Variants in PKD1L3 observed in about 807,000 individuals in gnomAD.
PKD1L3 encodes polycystin-1-like protein 3.
A neutral mutation model predicts 184.1 loss-of-function variants in PKD1L3; 239 were observed. That is an observed-to-expected ratio of 1.30 (90% CI 1.17 to 1.45). The LOEUF (loss-of-function observed/expected upper bound fraction) is 1.45, where lower values mean the gene tolerates loss of function less well. Ranked by LOEUF, PKD1L3 falls within the 40% of genes most tolerant of loss-of-function variation. The pLI is 0.00. For missense variants in PKD1L3, 2,660 were observed against 2,067.2 expected (o/e 1.29, Z -5.56); for synonymous variants, 996 against 778.8 (o/e 1.28, Z -4.64).
intron 4 of PKD1L3, 57 bp downstream of exon 4, chr16:71,990,223 T>C: frequency 7.2e-7 from 1 of 1,383,778 alleles, no homozygotes; most frequent in Non-Finnish European, 1.0e-6. Flanking sequence ...CCAGATCTAC[T>C]AGGTATGACA....
At position 71,930,108 on chromosome 16, in the gene PKD1L3, T is replaced by C. The variant is rs1299679531; in HGVS notation, c.5002A>G (p.Asn1668Asp). Residue 1668 changes from asparagine to aspartate, a missense_variant, in exon 29 of 30, where the codon AAT becomes GAT. Transcript: ENST00000620267. ...SVILMVLVVI[N>D]LFVSAILMAF... is the part of the protein sequence containing the mutation. ...ATGAGAATGGCCGAAACGAAAAGAT[T>C]AATTACCACAAGTACCATCAAGATG... 14 of 1,551,588 alleles carry C rather than the reference T, an allele frequency of 9.0e-6. No homozygotes were observed. The East Asian group carries it at 3.4e-4, about 38-fold the overall frequency.
chr16:71,945,543 T>C (rs2038570187), intron 22 of PKD1L3, among the ~76,000 whole-genome samples: 1 of 151,478 alleles, frequency 6.6e-6, no homozygotes, highest in African/African-American at 2.4e-5. Context: ...CCAGGCGTGG[T>C]GGAGTGCACC....
rs2038087079 is a variant in PKD1L3, at chr16:71,934,032, G to C, written c.4707C>G (p.Asn1569Lys). The change falls in exon 27 of 30, where the codon AAC becomes AAG. Residue 1569 changes from asparagine to lysine, a missense_variant. Physicochemically the swap from Asn to Lys is moderately conservative, Grantham distance 94 (BLOSUM62 0). Transcript: ENST00000620267. ...GCAGCCTGGGGCTATGACGCAGCAG[G>C]TTCCATAACTGAACAGTTGCCAGGA... ...PVLLATVQLW[N>K]LLRHSPRLRV... is the part of the protein sequence containing the mutation. 11 of 1,551,832 alleles carry C rather than the reference G, an allele frequency of 7.1e-6. No homozygotes were observed. The highest frequency in any genetic ancestry group is 9.6e-6 in the Non-Finnish European group (11 of 1,147,034).
At chr16:71,967,637 G>C (rs1447281914) in intron 14 of PKD1L3, among the ~76,000 whole-genome samples, 2 of 152,072 alleles carry the variant, frequency 1.3e-5, no homozygotes, top group Non-Finnish European at 2.9e-5. Context: ...GCTAATTTCT[G>C]CATTTTTAGT....
chr16:71,960,500 A>G (rs1193311496), intron 16 of PKD1L3, among the ~76,000 whole-genome samples: 1 of 152,136 alleles, frequency 6.6e-6, no homozygotes, highest in African/African-American at 2.4e-5. Context: ...ATGGAATTTA[A>G]GATACAAAGT....
intron 13 of PKD1L3, among the ~76,000 whole-genome samples, chr16:71,968,243 C>T (rs746378349): frequency 6.6e-6 from 1 of 152,144 alleles, no homozygotes; most frequent in Non-Finnish European, 1.5e-5. Context: ...TAGAATCACC[C>T]GATCAGGTCT....
chr16:71,965,522 TC>T (rs34793109), intron 15 of PKD1L3, among the ~76,000 whole-genome samples: 30,409 of 151,092 alleles, frequency 0.2, 3,739 homozygotes, highest in South Asian at 0.41. Flanking sequence ...TTTCAGTTGC[TC>T]CCCATCCTCC....
intron 16 of PKD1L3, among the ~76,000 whole-genome samples, chr16:71,961,228 C>T (rs551589720): frequency 1.3e-5 from 2 of 152,004 alleles, no homozygotes; most frequent in Non-Finnish European, 2.9e-5. Flanking sequence ...CCGGGTTCAA[C>T]TTCCCTGCCT....
At chr16:71,984,295 A>C in intron 5 of PKD1L3, 128 bp from the exon 6 acceptor site, 1 of 849,748 alleles carries the variant, frequency 1.2e-6, no homozygotes. Context: ...CAGCTCTCTA[A>C]AACAGTGATT....
chr16:71,983,321 AT>A (rs899615433), intron 6 of PKD1L3, among the ~76,000 whole-genome samples: 1 of 151,998 alleles, frequency 6.6e-6, no homozygotes, highest in African/African-American at 2.4e-5. Context: ...TAAGTTTTGT[AT>A]TTTTGATAGA....
At chr16:71,947,672 G>T in intron 21 of PKD1L3, 81 bp from the exon 22 acceptor site, 1 of 931,502 alleles carries the variant, frequency 1.1e-6, no homozygotes, top group Non-Finnish European at 1.6e-6. Context: ...GAAGAGGTGG[G>T]CACTCATGAA....
At chr16:71,990,179 T>G (rs2040533347) in intron 4 of PKD1L3, 101 bp downstream of exon 4, 1 of 989,774 alleles carries the variant, frequency 1.0e-6, no homozygotes, top group Non-Finnish European at 1.4e-6. Flanking sequence ...ATTAGAAAAC[T>G]ATATTCAGAA....
At chr16:71,952,195 ATTTTTTTTTTTTTTT>A (rs34849069) in intron 18 of PKD1L3, among the ~76,000 whole-genome samples, 4 of 50,788 alleles carry the variant, frequency 7.9e-5, no homozygotes, top group Admixed American at 3.4e-4. Context: ...GGAGCATGTC[ATTTTTTTTTTTTTTT>A]TTTTTTTTTT....
At chr16:71,952,195 ATTTTTTTTTT>A (rs34849069) in intron 18 of PKD1L3, among the ~76,000 whole-genome samples, 9 of 50,790 alleles carry the variant, frequency 1.8e-4, no homozygotes, top group African/African-American at 2.7e-4. Flanking sequence ...GGAGCATGTC[ATTTTTTTTTT>A]TTTTTTTTTT....
chr16:71,973,074 TC>T (rs1363198420), intron 12 of PKD1L3, among the ~76,000 whole-genome samples: 1 of 152,246 alleles, frequency 6.6e-6, no homozygotes, highest in Non-Finnish European at 1.5e-5. Context: ...TCCACACTTG[TC>T]AGATCCACCC....
At position 71,950,183 on chromosome 16, in the gene PKD1L3, G is replaced by A. The variant is rs1324985859; in HGVS notation, c.3318C>T (p.Ser1106=). The part of the protein sequence containing the change: ...HQSCDFLDAA[S]QLQKLQELLE... The stretch of plus-strand genomic sequence containing the variant: ...AGAGTTCCTGGAGTTTTTGAAGTTG[G>A]CTGGCTGCATCTAGGAAGTCACAGG... Residue 1106 remains serine (S), a synonymous_variant, in exon 20 of 30, where the codon AGC becomes AGT. Coordinates refer to ENST00000620267, the MANE Select transcript of PKD1L3 (RefSeq NM_181536.2). The A allele has an allele frequency of 6.4e-7, 1 of 1,552,164 alleles. No individual in the cohort carries two copies. Among genetic ancestry groups the A allele is most frequent in the Non-Finnish European group, 8.7e-7 (1 of 1,147,132 alleles).
intron 2 of PKD1L3, among the ~76,000 whole-genome samples, chr16:71,997,826 A>T (rs535073307): frequency 6.6e-6 from 1 of 151,336 alleles, no homozygotes; most frequent in Non-Finnish European, 1.5e-5. Flanking sequence ...ACGTACATAC[A>T]TACATAGCTT....
At chr16:71,994,396 C>G (rs1226189197) in intron 2 of PKD1L3, among the ~76,000 whole-genome samples, 1 of 152,142 alleles carries the variant, frequency 6.6e-6, no homozygotes, top group African/African-American at 2.4e-5. Context: ...TGACTCTGAC[C>G]ATCAAATCTA....
At position 71,986,046 on chromosome 16, in the gene PKD1L3, A is replaced by G. The variant is rs939929060; in HGVS notation, c.834+175T>C. Reference sequence around the variant, plus strand: ...TGTCATTAATGAAACGTTGGGCTGTATATGTGCTGTCAAATTGGCTGTTTC... The same window carrying G: ...TGTCATTAATGAAACGTTGGGCTGTGTATGTGCTGTCAAATTGGCTGTTTC... On this transcript the variant is annotated intron_variant, in intron 5 of 29. Transcript: ENST00000620267. 5.3e-5 allele frequency among the ~76,000 whole-genome samples: 8 copies of G among 152,342 alleles called. No individual in the cohort carries two copies. In the South Asian group the frequency reaches 1.0e-3, roughly 20 times the overall value.
Sources: allele counts gnomAD v4.1 joint callset (sites outside exome capture counted in the v4.1 genomes callset), GRCh38; gene constraint gnomAD v4.1.1; transcripts MANE v1.5; gene names NCBI Gene and HGNC (gene_info 2026-07-23, HGNC 2026-07-21).